The following SLC71A1 variants were observed in gnomAD, a reference collection of about 807,000 sequenced individuals.
SLC71A1 encodes hippocampus abundant gene transcript 1.
chr1:100,054,518 C>T, the SLC71A1 span, among the ~76,000 whole-genome samples: 2 of 151,924 alleles, frequency 1.3e-5, no homozygotes, highest in East Asian at 3.9e-4. Flanking sequence ...GCCGGCTTTA[C>T]CCTTTTGACA....
the SLC71A1 span, among the ~76,000 whole-genome samples, chr1:100,069,966 A>G: frequency 3.3e-5 from 5 of 152,328 alleles, no homozygotes; most frequent in South Asian, 4.1e-4. Context: ...TCCTTGTCCT[A>G]TTTATTCACT....
At chr1:100,065,663 T>TCCTTTC in the SLC71A1 span, among the ~76,000 whole-genome samples, 2 of 150,488 alleles carry the variant, frequency 1.3e-5, no homozygotes, top group African/African-American at 4.9e-5. Context: ...TCTTTCCTTT[T>TCCTTTC]CCTTTCCCTT....
chr1:100,080,786 A>C, the SLC71A1 span: 1 of 808,192 alleles, frequency 1.2e-6, no homozygotes, highest in Non-Finnish European at 2.0e-6. Context: ...TAAAAACCAG[A>C]GTTTAAGGGA....
At chr1:100,063,854 A>T in the SLC71A1 span, among the ~76,000 whole-genome samples, 1 of 152,200 alleles carries the variant, frequency 6.6e-6, no homozygotes, top group Non-Finnish European at 1.5e-5. Context: ...GAGCAGAAAG[A>T]AATGGCTACC....
At chr1:100,038,134 G>C in the SLC71A1 span, 8 of 1,085,634 alleles carry the variant, frequency 7.4e-6, no homozygotes, top group Admixed American at 2.0e-5. Context: ...CGGGCGCCCA[G>C]AGCGGCTCGG....
chr1:100,081,746 T>C, the SLC71A1 span, among the ~76,000 whole-genome samples: 1 of 152,210 alleles, frequency 6.6e-6, no homozygotes, highest in Non-Finnish European at 1.5e-5. Flanking sequence ...AGAATAGCTG[T>C]GTTCACATTT....
chr1:100,038,244 G>A, the SLC71A1 span: 8 of 1,558,154 alleles, frequency 5.1e-6, no homozygotes, highest in South Asian at 4.7e-5. Context: ...TGACCCAGGG[G>A]AAGAAGAAGA....
the SLC71A1 span, chr1:100,069,546 C>T: frequency 1.1e-6 from 1 of 886,482 alleles, no homozygotes. Context: ...ATACAAGTAG[C>T]TGCAGTGGTT....
At chr1:100,047,180 G>C in the SLC71A1 span, among the ~76,000 whole-genome samples, 1 of 152,178 alleles carries the variant, frequency 6.6e-6, no homozygotes, top group Non-Finnish European at 1.5e-5. Context: ...TGTTCAGCAT[G>C]ATAGCTCTGT....
the SLC71A1 span, among the ~76,000 whole-genome samples, chr1:100,063,145 C>T: frequency 6.6e-6 from 1 of 151,904 alleles, no homozygotes; most frequent in African/African-American, 2.4e-5. Flanking sequence ...TGGGGTTGGT[C>T]GGTTGGTTGG....
chr1:100,077,289 T>C, the SLC71A1 span: 1 of 1,263,614 alleles, frequency 7.9e-7, no homozygotes, highest in South Asian at 1.3e-5. Context: ...TAAGTATAAA[T>C]ATTTTAATGT....
chr1:100,072,087 A>G, the SLC71A1 span, among the ~76,000 whole-genome samples: 51 of 152,326 alleles, frequency 3.3e-4, no homozygotes, highest in East Asian at 9.1e-3. Context: ...TTAACACTTT[A>G]TATCATATAT....
chr1:100,062,062 A>G, the SLC71A1 span: 14 of 642,850 alleles, frequency 2.2e-5, no homozygotes, highest in South Asian at 8.9e-5. Context: ...TGCGTAAAAT[A>G]TATTTTGTAA....
At chr1:100,040,102 C>A in the SLC71A1 span, among the ~76,000 whole-genome samples, 1,688 of 152,298 alleles carry the variant, frequency 0.011, 34 homozygotes, top group African/African-American at 0.038. Flanking sequence ...TCTTTATACA[C>A]TTAATATTTC....
chr1:100,069,539 C>A, the SLC71A1 span: 2 of 836,478 alleles, frequency 2.4e-6, no homozygotes, highest in Non-Finnish European at 4.0e-6. Context: ...TGTTAATATA[C>A]AAGTAGCTGC....
chr1:100,045,862 G>A, the SLC71A1 span, among the ~76,000 whole-genome samples: 3 of 152,244 alleles, frequency 2.0e-5, no homozygotes, highest in South Asian at 4.1e-4. Context: ...GTCCTAGAGT[G>A]TATTCCCAAT....
chr1:100,059,859 T>A, the SLC71A1 span: 1 of 1,592,300 alleles, frequency 6.3e-7, no homozygotes, highest in Non-Finnish European at 8.6e-7. Flanking sequence ...TATTCATTTT[T>A]TTCATTTAAT....
chr1:100,080,590 A>G, the SLC71A1 span: 2 of 1,614,006 alleles, frequency 1.2e-6, no homozygotes, highest in Admixed American at 1.7e-5. Flanking sequence ...TCCATGTGGA[A>G]CTTAAAGAAC....
At chr1:100,042,898 C>A in the SLC71A1 span, among the ~76,000 whole-genome samples, 45 of 152,106 alleles carry the variant, frequency 3.0e-4, no homozygotes, top group Middle Eastern at 3.4e-3. Context: ...TCAGCCACTG[C>A]GCCTGGCCCC....
Sources: gnomAD v4.1 joint callset for allele counts (sites outside exome capture counted in the v4.1 genomes callset) on GRCh38, gnomAD v4.1.1 for gene constraint, MANE v1.5 for transcripts, NCBI Gene and HGNC (gene_info 2026-07-23, HGNC 2026-07-21) for gene names.